The following TAFA5 variants were observed in gnomAD, a reference collection of about 807,000 sequenced individuals.
TAFA5 encodes TAFA chemokine like family member 5.
Under a neutral mutation model 15.3 loss-of-function variants are expected in TAFA5, and 6 were observed. That is an observed-to-expected ratio of 0.39 (90% CI 0.21 to 0.77). The LOEUF is 0.77. Among genes scored for constraint, TAFA5 ranks in the 30% least tolerant of loss-of-function variants. TAFA5 has a pLI of 0.41. For missense variants in TAFA5, 161 were observed against 193.1 expected, an observed-to-expected ratio of 0.83 and a Z score of 0.98; for synonymous variants, 103 against 80.7, an observed-to-expected ratio of 1.28 and a Z score of -1.48.
rs537230183 is a variant in TAFA5, at chr22:48,608,271, GC to G, written c.113-38324del. On this transcript the variant is annotated intron_variant, in intron 1 of 3. Coordinates refer to ENST00000402357, the MANE Select transcript of TAFA5 (RefSeq NM_001082967.3). The stretch of plus-strand genomic sequence containing the variant: ...CTCAGGAGACCCTGTCATCCAAGAA[GC>G]CTCCTGTTTTCTCGCTATCCAGCAC... Among the ~76,000 whole-genome samples, 1,339 of 152,336 alleles carry G rather than the reference GC, an allele frequency of 8.8e-3. 9 individuals are homozygous for G. Among genetic ancestry groups the G allele is most frequent in the Admixed American group, 0.012 (181 of 15,304 alleles).
chr22:48,626,855 G>A (rs1351883684), intron 1 of TAFA5, among the ~76,000 whole-genome samples: 1 of 152,198 alleles, frequency 6.6e-6, no homozygotes, highest in Non-Finnish European at 1.5e-5. Context: ...ACTTTGAAGT[G>A]GTTTTTGTGA....
intron 1 of TAFA5, among the ~76,000 whole-genome samples, chr22:48,553,280 G>C (rs1318591133): frequency 6.6e-6 from 1 of 152,132 alleles, no homozygotes; most frequent in Non-Finnish European, 1.5e-5. Flanking sequence ...CCATGCCCTG[G>C]CTCTGTGCGA....
At chr22:48,641,174 A>G (rs572113658) in intron 1 of TAFA5, among the ~76,000 whole-genome samples, 1 of 143,360 alleles carries the variant, frequency 7.0e-6, no homozygotes, top group African/African-American at 2.9e-5. Flanking sequence ...CCCCCCTGCC[A>G]GGGCAGTGGG....
At chr22:48,493,396 T>C (rs1928221797) in intron 1 of TAFA5, among the ~76,000 whole-genome samples, 1 of 152,260 alleles carries the variant, frequency 6.6e-6, no homozygotes, top group Non-Finnish European at 1.5e-5. Context: ...AACTTTGGAA[T>C]TGTTTTGAAT....
chr22:48,525,606 A>C (rs1921754433), intron 1 of TAFA5, among the ~76,000 whole-genome samples: 1 of 152,100 alleles, frequency 6.6e-6, no homozygotes, highest in South Asian at 2.1e-4. Flanking sequence ...ATGCATCCGA[A>C]TTCCCTGGGG....
chr22:48,662,644 G>C (rs1431435395), intron 2 of TAFA5, among the ~76,000 whole-genome samples: 1 of 152,240 alleles, frequency 6.6e-6, no homozygotes, highest in Admixed American at 6.5e-5. Context: ...CCCCCGGCTG[G>C]TGCGAGCTCA....
At chr22:48,703,649 G>T (rs918293839) in intron 2 of TAFA5, among the ~76,000 whole-genome samples, 1 of 152,236 alleles carries the variant, frequency 6.6e-6, no homozygotes, top group Admixed American at 6.5e-5. Flanking sequence ...CACCCTCAGC[G>T]TCCTTCTCCC....
chr22:48,693,410 T>C, intron 2 of TAFA5: 1 of 1,611,682 alleles, frequency 6.2e-7, no homozygotes, highest in South Asian at 1.1e-5. Flanking sequence ...CGCGTCATAG[T>C]GCAGCCCGTG....
intron 1 of TAFA5, among the ~76,000 whole-genome samples, chr22:48,589,194 C>A (rs1399006439): frequency 6.6e-6 from 1 of 152,188 alleles, no homozygotes; most frequent in East Asian, 1.9e-4. Flanking sequence ...TTGGCATGCA[C>A]GTATTGAGTA....
At chr22:48,503,643 A>T (rs990036405) in intron 1 of TAFA5, among the ~76,000 whole-genome samples, 3 of 152,218 alleles carry the variant, frequency 2.0e-5, no homozygotes, top group African/African-American at 7.2e-5. Context: ...AATCAAAATT[A>T]GTGTTTCATT....
At chr22:48,573,242 C>T (rs537168164) in intron 1 of TAFA5, among the ~76,000 whole-genome samples, 2 of 152,362 alleles carry the variant, frequency 1.3e-5, no homozygotes, top group Admixed American at 1.3e-4. Flanking sequence ...AGGATGTGGG[C>T]ATCCTTCTGT....
At chr22:48,597,995 A>G (rs2147163070) in intron 1 of TAFA5, among the ~76,000 whole-genome samples, 1 of 152,328 alleles carries the variant, frequency 6.6e-6, no homozygotes, top group African/African-American at 2.4e-5. Context: ...TCTTCAGAGA[A>G]CGGAACCAAT....
At chr22:48,702,811 G>A (rs996591750) in intron 2 of TAFA5, among the ~76,000 whole-genome samples, 3 of 152,238 alleles carry the variant, frequency 2.0e-5, no homozygotes, top group East Asian at 1.9e-4. Flanking sequence ...CTTTGTCCCC[G>A]GGACATGGTG....
intron 2 of TAFA5, among the ~76,000 whole-genome samples, chr22:48,647,616 G>C (rs367944151): frequency 6.6e-6 from 1 of 152,162 alleles, no homozygotes; most frequent in Non-Finnish European, 1.5e-5. Context: ...TCACAGGTGG[G>C]CATGTAGGCC....
intron 2 of TAFA5, among the ~76,000 whole-genome samples, chr22:48,671,220 G>C (rs1029863666): frequency 6.6e-6 from 1 of 152,146 alleles, no homozygotes; most frequent in African/African-American, 2.4e-5. Flanking sequence ...CGAGCCATTC[G>C]GGGAAACAGC....
chr22:48,681,241 C>T (rs1196777346), intron 2 of TAFA5, among the ~76,000 whole-genome samples: 1 of 152,188 alleles, frequency 6.6e-6, no homozygotes, highest in Non-Finnish European at 1.5e-5. Context: ...ATGCCTGGAA[C>T]CGAGTTTCCC....
chr22:48,562,064 G>GTA (rs1469541465), intron 1 of TAFA5, among the ~76,000 whole-genome samples: 1 of 152,202 alleles, frequency 6.6e-6, no homozygotes, highest in African/African-American at 2.4e-5. Context: ...CTGGCGCAGG[G>GTA]TAAGCACTGA....
intron 1 of TAFA5, chr22:48,576,608 C>A: frequency 7.3e-7 from 1 of 1,360,974 alleles, no homozygotes; most frequent in South Asian, 1.8e-5. Flanking sequence ...GTCCTCCGCG[C>A]TCTGCCCGGC....
chr22:48,562,431 C>T (rs957247653), intron 1 of TAFA5, among the ~76,000 whole-genome samples: 1 of 152,254 alleles, frequency 6.6e-6, no homozygotes, highest in Non-Finnish European at 1.5e-5. Flanking sequence ...AGCCACCGCG[C>T]CCGGCCCCGC....
Sources: gnomAD v4.1 joint callset for allele counts (sites outside exome capture counted in the v4.1 genomes callset) on GRCh38, gnomAD v4.1.1 for gene constraint, MANE v1.5 for transcripts, NCBI Gene and HGNC (gene_info 2026-07-23, HGNC 2026-07-21) for gene names.